AK5: variants seen among roughly 807,000 people sequenced by gnomAD.
The protein encoded by AK5 is adenylate kinase 5.
Under a neutral mutation model 69.5 loss-of-function variants are expected in AK5, and 27 were observed. The observed-to-expected ratio is 0.39, with a 90% confidence interval of 0.29 to 0.54. AK5 has a LOEUF of 0.54. AK5 is among the 20% of genes least tolerant of loss of function. The pLI is 0.71. For missense variants in AK5, 531 were observed against 700.4 expected (o/e 0.76, Z 2.73); for synonymous variants, 260 against 244.4 (o/e 1.06, Z -0.60).
At position 77,297,598 on chromosome 1, in the gene AK5, T is replaced by C; in HGVS notation, c.455T>C (p.Ile152Thr). 2 of 1,612,598 alleles carry C rather than the reference T, an allele frequency of 1.2e-6. No individual in the cohort carries two copies. Among genetic ancestry groups the C allele is most frequent in the Admixed American group, 1.7e-5 (1 of 59,682 alleles). The change falls in exon 4 of 14, where the codon ATT (isoleucine) becomes ACT (threonine). Residue 152 changes from isoleucine (I) to threonine (T), a missense_variant. Coordinates refer to ENST00000354567, the MANE Select transcript of AK5 (RefSeq NM_174858.3). ...GGAAAGGGTACTCAGAGTTTGAAAA[T>C]TGCAGAACGATATGGATTCCAATAC... ...GSGKGTQSLK[I>T]AERYGFQYIS...
chr1:77,483,357 G>A lies in AK5; in HGVS notation c.1100G>A (p.Gly367Glu). 6.2e-7 allele frequency: 1 copy of A among 1,612,306 alleles called. No individual in the cohort carries two copies. ...QLNVFGEDTM[G>E]GFMEDLRKCK... The stretch of plus-strand genomic sequence containing the variant: ...AATGTATTTGGAGAGGACACTATGG[G>A]AGGTGAGTTTTCCTTACTGATCAGA... Residue 367 changes from glycine to glutamate, a missense_variant and splice_region_variant, in exon 9 of 14, where the codon GGA (glycine) becomes GAA (glutamate). Coordinates refer to ENST00000354567, the MANE Select transcript of AK5 (RefSeq NM_174858.3).
rs1042634824 is a variant in AK5 at position 77,435,598 on chromosome 1, A to G, written c.1059+17883A>G. Reference sequence around the variant, plus strand: ...GGAAGGCAGAAGTTGCAGTGAGCCAAGATGGCGCCAGCACTCCAGCCTGGT... The same window carrying G: ...GGAAGGCAGAAGTTGCAGTGAGCCAGGATGGCGCCAGCACTCCAGCCTGGT... On this transcript the variant is annotated intron_variant, in intron 8 of 13. Coordinates refer to ENST00000354567, the MANE Select transcript of AK5 (RefSeq NM_174858.3). 4.0e-5 allele frequency among the ~76,000 whole-genome samples: 6 copies of G among 151,738 alleles called. No homozygotes were observed. The East Asian group carries it at 1.2e-3, about 29-fold the overall frequency.
intron 10 of AK5, among the ~76,000 whole-genome samples, chr1:77,491,185 G>C (rs1254006494): frequency 6.6e-6 from 1 of 151,504 alleles, no homozygotes; most frequent in Non-Finnish European, 1.5e-5. Flanking sequence ...ATTTTCCTAA[G>C]GAAAACTGGA....
At chr1:77,521,226 C>T (rs914031723) in intron 11 of AK5, among the ~76,000 whole-genome samples, 1 of 151,888 alleles carries the variant, frequency 6.6e-6, no homozygotes, top group East Asian at 1.9e-4. Flanking sequence ...TTCCACCTCC[C>T]GAGTTCAAGC....
intron 13 of AK5, among the ~76,000 whole-genome samples, chr1:77,549,489 A>C (rs983598535): frequency 4.6e-5 from 7 of 152,110 alleles, no homozygotes; most frequent in African/African-American, 1.7e-4. Flanking sequence ...TTTTAAGTGT[A>C]CAATAAGTTA....
chr1:77,372,770 T>C (rs61783078), intron 6 of AK5, among the ~76,000 whole-genome samples: 19,365 of 131,632 alleles, frequency 0.15, 1,504 homozygotes, highest in Middle Eastern at 0.23. Flanking sequence ...TGTGTGTGTG[T>C]GCGTGTGTGT....
At chr1:77,505,644 A>G (rs899831639) in intron 10 of AK5, among the ~76,000 whole-genome samples, 2 of 152,126 alleles carry the variant, frequency 1.3e-5, no homozygotes, top group African/African-American at 2.4e-5. Flanking sequence ...AGGCAAGTGG[A>G]TAACTTGAGG....
Position 77,485,446 on chromosome 1 carries a change from C to G in AK5, c.1103-862C>G, listed in dbSNP as rs538991867. Among the ~76,000 whole-genome samples, 28 of 152,204 alleles carry G rather than the reference C, an allele frequency of 1.8e-4. No individual in the cohort carries two copies. The South Asian group carries it at 5.0e-3, about 27-fold the overall frequency. On this transcript the variant is annotated intron_variant, in intron 9 of 13. Transcript: ENST00000354567. ...AATTTCACTAAAAAATGTTTCCTGT[C>G]AGAATAATGATCTAACTTTCAAAAG...
intron 13 of AK5, among the ~76,000 whole-genome samples, chr1:77,543,536 T>TCC (rs72506824): frequency 6.6e-6 from 1 of 151,278 alleles, no homozygotes; most frequent in Non-Finnish European, 1.5e-5. Context: ...TATTTTTTTT[T>TCC]TATTGTTTGT....
At chr1:77,358,749 C>T (rs926261306) in intron 6 of AK5, among the ~76,000 whole-genome samples, 4 of 150,988 alleles carry the variant, frequency 2.6e-5, no homozygotes, top group South Asian at 2.1e-4. Flanking sequence ...TTTCTTACCT[C>T]AGACAAAATT....
At chr1:77,349,202 G>C (rs897529575) in intron 6 of AK5, among the ~76,000 whole-genome samples, 1 of 152,062 alleles carries the variant, frequency 6.6e-6, no homozygotes, top group African/African-American at 2.4e-5. Context: ...GAATGTTTCT[G>C]TTCTCACTTA....
chr1:77,355,585 G>A (rs1662469166), intron 6 of AK5, among the ~76,000 whole-genome samples: 2 of 152,078 alleles, frequency 1.3e-5, no homozygotes, highest in Admixed American at 1.3e-4. Context: ...CCACCCTGAT[G>A]GGGACAGATG....
At chr1:77,441,994 G>A (rs1208923074) in intron 8 of AK5, among the ~76,000 whole-genome samples, 1 of 152,156 alleles carries the variant, frequency 6.6e-6, no homozygotes, top group East Asian at 1.9e-4. Flanking sequence ...TGGGAGGCAG[G>A]GCACAGCCCT....
intron 6 of AK5, among the ~76,000 whole-genome samples, chr1:77,383,324 C>G (rs1647780825): frequency 6.6e-6 from 1 of 152,036 alleles, no homozygotes; most frequent in Non-Finnish European, 1.5e-5. Context: ...ATTAAGGATT[C>G]CTGCCACTGT....
intron 6 of AK5, among the ~76,000 whole-genome samples, chr1:77,375,298 T>A (rs1647204490): frequency 6.6e-6 from 1 of 152,172 alleles, no homozygotes; most frequent in Non-Finnish European, 1.5e-5. Flanking sequence ...CCAAACTTGA[T>A]CAGTAGCCCA....
At chr1:77,293,419 T>G (rs1658799237) in intron 2 of AK5, 1 of 176,228 alleles carries the variant, frequency 5.7e-6, no homozygotes, top group South Asian at 1.5e-4. Flanking sequence ...CAAACAAGAC[T>G]AGGCAGTATC....
chr1:77,467,161 T>C (rs1212607038), intron 8 of AK5, among the ~76,000 whole-genome samples: 5 of 152,148 alleles, frequency 3.3e-5, no homozygotes, highest in Non-Finnish European at 7.4e-5. Flanking sequence ...TAGGGAAAAA[T>C]GCATGGAGTC....
At chr1:77,361,534 T>G (rs1646864536) in intron 6 of AK5, among the ~76,000 whole-genome samples, 1 of 152,174 alleles carries the variant, frequency 6.6e-6, no homozygotes, top group South Asian at 2.1e-4. Context: ...ATACAAAGTT[T>G]GGGCAACTTA....
chr1:77,509,471 C>A (rs1418467317), intron 10 of AK5, among the ~76,000 whole-genome samples: 4 of 152,136 alleles, frequency 2.6e-5, no homozygotes, highest in African/African-American at 9.7e-5. Context: ...TCAACTGACC[C>A]ATGGGCCCAG....
Sources: gnomAD v4.1 joint callset for allele counts (sites outside exome capture counted in the v4.1 genomes callset) on GRCh38, gnomAD v4.1.1 for gene constraint, MANE v1.5 for transcripts, NCBI Gene and HGNC (gene_info 2026-07-23, HGNC 2026-07-21) for gene names.